CHSY3: variants seen among roughly 807,000 people sequenced by gnomAD.
CHSY3 encodes chondroitin sulfate synthase 3, also known as N-acetylgalactosaminyl-proteoglycan 3-beta-glucuronosyltransferase 3.
CHSY3 carries 35 observed loss-of-function variants against 67.2 expected under a neutral mutation model. That is an observed-to-expected ratio of 0.52 (90% CI 0.40 to 0.69). CHSY3 has a LOEUF of 0.69. Among genes scored for constraint, CHSY3 ranks in the 30% least tolerant of loss-of-function variants. CHSY3 has a pLI of 0.00. For missense variants in CHSY3, 1,069 were observed against 1,138.5 expected (o/e 0.94, Z 0.88); for synonymous variants, 474 against 434.7 (o/e 1.09, Z -1.12).
chr5:129,905,778 C>T, intron 1 of CHSY3, 147 bp downstream of exon 1: 1 of 1,442,502 alleles, frequency 6.9e-7, no homozygotes, highest in Non-Finnish European at 9.1e-7. Flanking sequence ...CCTCCCCACC[C>T]CTTGCATCCG....
intron 2 of CHSY3, among the ~76,000 whole-genome samples, chr5:129,934,290 C>T (rs1204879696): frequency 6.6e-6 from 1 of 151,900 alleles, no homozygotes; most frequent in East Asian, 1.9e-4. Context: ...ATAATTAGGG[C>T]TGTGGGGGCA....
intron 2 of CHSY3, among the ~76,000 whole-genome samples, chr5:129,913,704 G>A (rs1760642346): frequency 6.6e-6 from 1 of 152,076 alleles, no homozygotes; most frequent in Admixed American, 6.5e-5. Flanking sequence ...TCATTTTAAT[G>A]TTTGCAGTAA....
At chr5:129,918,030 G>A (rs1309574832) in intron 2 of CHSY3, among the ~76,000 whole-genome samples, 3 of 152,044 alleles carry the variant, frequency 2.0e-5, no homozygotes, top group East Asian at 3.9e-4. Context: ...TTTCCTTTTG[G>A]GGAATCACAG....
chr5:129,926,777 T>TG (rs1761126601), intron 2 of CHSY3, among the ~76,000 whole-genome samples: 1 of 151,924 alleles, frequency 6.6e-6, no homozygotes, highest in South Asian at 2.1e-4. Flanking sequence ...TTGTTTGTGT[T>TG]TTTTCCATTG....
Position 130,123,988 on chromosome 5 carries a change from C to T in CHSY3, c.1087-60241C>T, listed in dbSNP as rs552190225. Reference sequence around the variant, plus strand: ...GCAGGAGGCGGAGCTTGCAGTGAGCCGAGATCTCGCCACTGCACTCCAGCC... The same window carrying T: ...GCAGGAGGCGGAGCTTGCAGTGAGCTGAGATCTCGCCACTGCACTCCAGCC... On this transcript the variant is annotated intron_variant, in intron 2 of 2. Transcript: ENST00000305031. Among the ~76,000 whole-genome samples, 14 of 134,732 alleles carry T rather than the reference C, an allele frequency of 1.0e-4. No individual in the cohort carries two copies. In the East Asian group the frequency reaches 2.5e-3, roughly 24 times the overall value. 88.4% of individuals were successfully genotyped at this position (134,732 alleles called of 152,430 possible). A position where few individuals can be genotyped will look rare whatever the true frequency, so the allele number is the denominator to read the frequency against.
chr5:130,012,832 C>T (rs1764107334), intron 2 of CHSY3, among the ~76,000 whole-genome samples: 1 of 152,022 alleles, frequency 6.6e-6, no homozygotes, highest in South Asian at 2.1e-4. Flanking sequence ...TTTCAAAACA[C>T]CCAAGTCATG....
chr5:129,994,351 A>G (rs1255848069), intron 2 of CHSY3, among the ~76,000 whole-genome samples: 2 of 152,106 alleles, frequency 1.3e-5, no homozygotes, highest in African/African-American at 4.8e-5. Context: ...AGGTACACCA[A>G]TCAGATGTAG....
chr5:129,941,186 G>C (rs146817596), intron 2 of CHSY3, among the ~76,000 whole-genome samples: 25 of 152,300 alleles, frequency 1.6e-4, no homozygotes, highest in African/African-American at 5.5e-4. Context: ...CTGGGTGACA[G>C]AGAAAGATCC....
intron 2 of CHSY3, among the ~76,000 whole-genome samples, chr5:129,964,766 C>A (rs1424180850): frequency 6.6e-6 from 1 of 151,716 alleles, no homozygotes; most frequent in Non-Finnish European, 1.5e-5. Flanking sequence ...GTTTAAAATT[C>A]AAATTAGTAT....
intron 2 of CHSY3, among the ~76,000 whole-genome samples, chr5:130,160,262 C>A (rs1275205264): frequency 6.6e-6 from 1 of 152,178 alleles, no homozygotes; most frequent in Non-Finnish European, 1.5e-5. Context: ...ATCTGACTCC[C>A]AATACTTGCC....
At chr5:130,064,227 G>A (rs1271447619) in intron 2 of CHSY3, among the ~76,000 whole-genome samples, 1 of 152,008 alleles carries the variant, frequency 6.6e-6, no homozygotes, top group Non-Finnish European at 1.5e-5. Context: ...TATATTATTA[G>A]TGATTATTTT....
At chr5:130,141,636 G>T in intron 2 of CHSY3, 1 of 520,194 alleles carries the variant, frequency 1.9e-6, no homozygotes, top group Non-Finnish European at 3.8e-6. Flanking sequence ...TGTCATCCAA[G>T]AATTCAGTTG....
chr5:130,087,965 C>G (rs1310329598), intron 2 of CHSY3, among the ~76,000 whole-genome samples: 1 of 152,108 alleles, frequency 6.6e-6, no homozygotes, highest in African/African-American at 2.4e-5. Context: ...TGACTTCAAA[C>G]TATACTACAA....
At position 130,186,598 on chromosome 5, in the gene CHSY3, A is replaced by T. The variant is rs552822652; in HGVS notation, c.*807A>T. The T allele has an allele frequency of 6.5e-6, 1 of 152,874 alleles. No homozygotes were observed. Among genetic ancestry groups the T allele is most frequent in the South Asian group, 2.1e-4 (1 of 4,826 alleles). The allele number at this position is 152,874 out of a possible 1,614,324, so 9.5% of individuals were successfully genotyped here. ...ACAGAACCTGTTTATTTAAAATAAA[A>T]CACAGGTATAGCAGTATTCTTTTTC... On this transcript the variant is annotated 3_prime_UTR_variant, in exon 3 of 3. Transcript: ENST00000305031.
intron 2 of CHSY3, among the ~76,000 whole-genome samples, chr5:129,929,964 C>T (rs573895055): frequency 6.6e-6 from 1 of 152,208 alleles, no homozygotes; most frequent in East Asian, 1.9e-4. Flanking sequence ...AATGTTAACT[C>T]GTACAGTAAA....
intron 2 of CHSY3, among the ~76,000 whole-genome samples, chr5:130,070,296 G>T (rs1375800715): frequency 1.3e-5 from 2 of 152,102 alleles, no homozygotes; most frequent in Admixed American, 6.6e-5. Context: ...TAAAAGAAAT[G>T]ATAGACATTA....
chr5:130,027,055 ACT>A (rs1372763622), intron 2 of CHSY3, among the ~76,000 whole-genome samples: 1 of 152,110 alleles, frequency 6.6e-6, no homozygotes, highest in Non-Finnish European at 1.5e-5. Flanking sequence ...CTCTAGGAAC[ACT>A]GACTAAATTT....
chr5:129,921,860 T>C (rs928378776), intron 2 of CHSY3, among the ~76,000 whole-genome samples: 2 of 152,148 alleles, frequency 1.3e-5, no homozygotes, highest in Non-Finnish European at 2.9e-5. Context: ...CCAATGTCAC[T>C]GTTTCGGTTA....
intron 2 of CHSY3, among the ~76,000 whole-genome samples, chr5:129,922,318 T>C (rs879437438): frequency 6.6e-6 from 1 of 152,248 alleles, no homozygotes; most frequent in Admixed American, 6.5e-5. Context: ...ATCTCTTCAA[T>C]GTACTGATAA....
Sources: allele counts gnomAD v4.1 joint callset (sites outside exome capture counted in the v4.1 genomes callset), GRCh38; gene constraint gnomAD v4.1.1; transcripts MANE v1.5; gene names NCBI Gene and HGNC (gene_info 2026-07-23, HGNC 2026-07-21).